Variants in NSD1 observed in about 807,000 individuals in gnomAD.
NSD1 encodes the protein nuclear receptor binding SET domain protein 1.
Under a neutral mutation model 242.7 loss-of-function variants are expected in NSD1, and 26 were observed. The ratio of observed to expected loss-of-function variants is 0.11; its 90% CI spans 0.08 to 0.15. NSD1 has a LOEUF of 0.15. Among genes scored for constraint, NSD1 ranks in the 10% least tolerant of loss-of-function variants. The pLI is 1.00. For missense variants in NSD1, 2,495 were observed against 3,272.8 expected (o/e 0.76, Z 5.80); for synonymous variants, 1,106 against 1,178.1 (o/e 0.94, Z 1.25).
chr5:177,274,808 A>G (rs1758233117), intron 17 of NSD1, among the ~76,000 whole-genome samples: 1 of 151,648 alleles, frequency 6.6e-6, no homozygotes. Flanking sequence ...ATCTTGGCTC[A>G]CTGCAACATC....
At chr5:177,284,693 C>G (rs1163346719) in intron 20 of NSD1, among the ~76,000 whole-genome samples, 1 of 152,240 alleles carries the variant, frequency 6.6e-6, no homozygotes, top group Non-Finnish European at 1.5e-5. Flanking sequence ...TTAGAAACTA[C>G]TAGCTCTTCA....
At chr5:177,261,924 AGTC>A (rs1757027743) in intron 14 of NSD1, among the ~76,000 whole-genome samples, 1 of 152,210 alleles carries the variant, frequency 6.6e-6, no homozygotes. Context: ...TTTTAAAAAG[AGTC>A]AATATATGTA....
rs1760166251 is a variant in NSD1, at chr5:177,295,134, T to C, written c.7766T>C (p.Leu2589Pro). 1 of 1,613,930 alleles carries C rather than the reference T, an allele frequency of 6.2e-7. No individual in the cohort carries two copies. The highest frequency in any genetic ancestry group is 8.5e-7 in the Non-Finnish European group (1 of 1,179,852). ...AAGCAGATGGTCGGAGGCCAGCAAC[T>C]ACCTGCACTTGCCGCCAAGAGTGGG... ...QAKQMVGGQQ[L>P]PALAAKSGQS... The change falls in exon 23 of 23, where the codon CTA becomes CCA. Residue 2589 changes from leucine to proline, a missense_variant. Physicochemically the swap from Leu to Pro is moderately conservative, Grantham distance 98. Coordinates refer to ENST00000439151, the MANE Select transcript of NSD1 (RefSeq NM_022455.5). The surrounding 1 kb of genome is among the most constrained non-coding windows in gnomAD (Gnocchi z 4.3).
In NSD1 at chr5:177,191,130, C is replaced by A. The variant is rs575357461; in HGVS notation, c.928-754C>A. Among the ~76,000 whole-genome samples, 10 of 151,944 alleles carry A rather than the reference C, an allele frequency of 6.6e-5. No individual in the cohort carries two copies. In the East Asian group the frequency reaches 1.9e-3, roughly 29 times the overall value. On this transcript the variant is annotated intron_variant, in intron 2 of 22. Transcript: ENST00000439151. ...GGATTACAGGTGCCCGCTAACACCCCCGGCTAATTTTTGTATTTTTAGTAG... is the reference window on the plus strand; with the variant it reads ...GGATTACAGGTGCCCGCTAACACCCACGGCTAATTTTTGTATTTTTAGTAG...
intron 2 of NSD1, among the ~76,000 whole-genome samples, chr5:177,138,388 T>C (rs1001742635): frequency 6.6e-6 from 1 of 152,058 alleles, no homozygotes. Context: ...CCCGAGTAGC[T>C]GGGACTACAG....
chr5:177,294,445 A>G lies in NSD1; in HGVS notation c.7077A>G (p.Pro2359=), dbSNP rs1214855730. The change falls in exon 23 of 23, where the codon CCA becomes CCG. Residue 2359 remains proline (P), a synonymous_variant. Coordinates refer to ENST00000439151, the MANE Select transcript of NSD1 (RefSeq NM_022455.5). ...AAAGACCTCTGGGGACGGCTGACCC[A>G]AGGCTGGATAAATCCATAGGTGCTG... ...PLERPLGTAD[P]RLDKSIGAAS... 1.2e-6 allele frequency: 2 copies of G among 1,614,070 alleles called. No homozygotes were observed. Among genetic ancestry groups the G allele is most frequent in the African/African-American group, 2.7e-5 (2 of 74,914 alleles).
intron 2 of NSD1, among the ~76,000 whole-genome samples, chr5:177,148,645 C>T (rs1216653378): frequency 1.3e-5 from 2 of 152,004 alleles, no homozygotes; most frequent in Non-Finnish European, 2.9e-5. Flanking sequence ...AGGCTGGTCT[C>T]GAACTCCTGA....
chr5:177,233,537 A>AT (rs56908682), intron 5 of NSD1, among the ~76,000 whole-genome samples: 93,506 of 126,164 alleles, frequency 0.74, 35,967 homozygotes, highest in Middle Eastern at 0.86. Context: ...CCTGGCTAGT[A>AT]TTTTTTTTTT....
Position 177,184,982 on chromosome 5 carries a change from G to A in NSD1, c.928-6902G>A, listed in dbSNP as rs548117911. ...CAAGCATCTAAACGGATGTGTTTTT[G>A]TCTTATATATTGCTGTCGTCTCTTT... is the stretch of plus-strand genomic sequence containing the variant. On this transcript the variant is annotated intron_variant, in intron 2 of 22. Coordinates refer to ENST00000439151, the MANE Select transcript of NSD1 (RefSeq NM_022455.5). Among the ~76,000 whole-genome samples the A allele has an allele frequency of 3.3e-5, 5 of 152,208 alleles. No individual in the cohort carries two copies. The South Asian group carries it at 1.0e-3, about 32-fold the overall frequency.
chr5:177,169,912 A>C (rs1165081595), intron 2 of NSD1, among the ~76,000 whole-genome samples: 1 of 151,740 alleles, frequency 6.6e-6, no homozygotes, highest in Non-Finnish European at 1.5e-5. Flanking sequence ...TAGATTTTTA[A>C]AATGTTTTTT....
intron 3 of NSD1, among the ~76,000 whole-genome samples, chr5:177,198,866 C>T (rs1302438029): frequency 6.6e-6 from 1 of 152,206 alleles, no homozygotes; most frequent in Non-Finnish European, 1.5e-5. Context: ...ATATTCATCA[C>T]CCTAACATGG....
intron 3 of NSD1, among the ~76,000 whole-genome samples, chr5:177,196,632 C>T (rs755182911): frequency 3.3e-5 from 5 of 152,148 alleles, no homozygotes; most frequent in Non-Finnish European, 7.4e-5. Flanking sequence ...GCATCTATAA[C>T]TCAGAAAGGA....
At chr5:177,234,165 T>A (rs1243281185) in intron 5 of NSD1, among the ~76,000 whole-genome samples, 1 of 152,204 alleles carries the variant, frequency 6.6e-6, no homozygotes, top group East Asian at 1.9e-4. Flanking sequence ...AAAGTATACC[T>A]TCCATTTGTC....
chr5:177,180,251 C>T (rs766298154), intron 2 of NSD1, among the ~76,000 whole-genome samples: 2 of 151,830 alleles, frequency 1.3e-5, no homozygotes, highest in Non-Finnish European at 2.9e-5. Context: ...CATGCCACCA[C>T]GCCTAGCTAA....
chr5:177,249,923 CA>C (rs1171744764), intron 11 of NSD1, among the ~76,000 whole-genome samples: 1 of 152,020 alleles, frequency 6.6e-6, no homozygotes, highest in African/African-American at 2.4e-5. Context: ...CTGTCTCTGC[CA>C]AAAATACAAA....
chr5:177,266,282 T>G, intron 14 of NSD1: 1 of 741,146 alleles, frequency 1.3e-6, no homozygotes, highest in Non-Finnish European at 2.5e-6. Flanking sequence ...GGTCACCAAG[T>G]GGTCTAACTT....
chr5:177,266,585 C>T (rs1355427494), intron 14 of NSD1: 5 of 676,606 alleles, frequency 7.4e-6, no homozygotes, highest in East Asian at 3.8e-5. Flanking sequence ...TCGGCGGCCG[C>T]CATCTTCACC....
intron 5 of NSD1, among the ~76,000 whole-genome samples, chr5:177,231,317 T>C (rs1765038171): frequency 6.6e-6 from 1 of 152,184 alleles, no homozygotes; most frequent in Non-Finnish European, 1.5e-5. Flanking sequence ...ACTCCTGGGC[T>C]CAAGTAATCC....
chr5:177,223,970 G>T (rs6874206), intron 5 of NSD1, among the ~76,000 whole-genome samples: 35,376 of 152,108 alleles, frequency 0.23, 5,455 homozygotes, highest in East Asian at 0.51. Context: ...TGCCTGGGTG[G>T]CAGAGCAAGA....
Sources: gnomAD v4.1 joint callset for allele counts (sites outside exome capture counted in the v4.1 genomes callset) on GRCh38, gnomAD v4.1.1 for gene constraint, Gnocchi (gnomAD v3.1) non-coding constraint, MANE v1.5 for transcripts, NCBI Gene and HGNC (gene_info 2026-07-23, HGNC 2026-07-21) for gene names.